MET: variants seen among roughly 807,000 people sequenced by gnomAD.
MET encodes hepatocyte growth factor receptor.
A neutral mutation model predicts 133.1 loss-of-function variants in MET; 48 were observed. The ratio of observed to expected loss-of-function variants is 0.36; its 90% CI spans 0.29 to 0.46. The LOEUF (loss-of-function observed/expected upper bound fraction) is 0.46. Among genes scored for constraint, MET ranks in the 20% least tolerant of loss-of-function variants. The probability of loss-of-function intolerance (pLI) is 1.00; values close to 1 mark genes in which losing one functional copy is unlikely to be tolerated. For missense variants in MET, 1,442 were observed against 1,695.9 expected (o/e 0.85, Z 2.63); for synonymous variants, 628 against 616.5 (o/e 1.02, Z -0.28).
At chr7:116,735,637 G>A (rs968177856) in intron 3 of MET, among the ~76,000 whole-genome samples, 2 of 152,146 alleles carry the variant, frequency 1.3e-5, no homozygotes, top group Non-Finnish European at 2.9e-5. Flanking sequence ...GCTGAAGGAA[G>A]CTTCAACTTG....
At chr7:116,772,204 T>G (rs1562930513) in intron 14 of MET, among the ~76,000 whole-genome samples, 1 of 152,196 alleles carries the variant, frequency 6.6e-6, no homozygotes, top group African/African-American at 2.4e-5. Flanking sequence ...GTCCATAAGC[T>G]CTCATTTCAC....
intron 3 of MET, 146 bp from the exon 4 acceptor site, chr7:116,739,804 A>T: frequency 8.8e-7 from 1 of 1,132,270 alleles, no homozygotes; most frequent in Non-Finnish European, 1.3e-6. Flanking sequence ...TGACATATTG[A>T]TTTACAATGA....
chr7:116,778,092 T>C (rs1478539017), intron 16 of MET, among the ~76,000 whole-genome samples: 1 of 152,244 alleles, frequency 6.6e-6, no homozygotes, highest in African/African-American at 2.4e-5. Flanking sequence ...ATGCATACTC[T>C]GTTTAAGGGA....
intron 11 of MET, among the ~76,000 whole-genome samples, chr7:116,767,249 T>A (rs1794659824): frequency 6.6e-6 from 1 of 152,078 alleles, no homozygotes; most frequent in Non-Finnish European, 1.5e-5. Flanking sequence ...CAGACATGAG[T>A]CCCCGGGTGT....
intron 1 of MET, among the ~76,000 whole-genome samples, chr7:116,680,106 T>C (rs1039312993): frequency 3.3e-5 from 5 of 152,036 alleles, no homozygotes; most frequent in Non-Finnish European, 7.4e-5. Context: ...AAAGGAAAAT[T>C]GTGTTAATAG....
chr7:116,794,917 A>G (rs1413004030), intron 19 of MET, among the ~76,000 whole-genome samples: 1 of 152,208 alleles, frequency 6.6e-6, no homozygotes, highest in African/African-American at 2.4e-5. Context: ...TAGACCAAAC[A>G]AGACCTAAGG....
rs112117974 is a variant in MET, at chr7:116,695,165, T to C, written c.-14-3906T>C. Reference sequence around the variant, plus strand: ...ATATATTAAGCTCAATTTTGTTAGATACACTGATACCATATTGATAAGTGC... The same window carrying C: ...ATATATTAAGCTCAATTTTGTTAGACACACTGATACCATATTGATAAGTGC... On this transcript the variant is annotated intron_variant, in intron 1 of 20. Transcript: ENST00000397752. Among the ~76,000 whole-genome samples the C allele has an allele frequency of 1.3e-3, 200 of 152,344 alleles. 1 individual carries two copies. Among genetic ancestry groups the C allele is most frequent in the African/African-American group, 4.6e-3 (191 of 41,576 alleles).
chr7:116,719,851 C>A (rs1238252542), intron 2 of MET, among the ~76,000 whole-genome samples: 1 of 151,884 alleles, frequency 6.6e-6, no homozygotes, highest in African/African-American at 2.4e-5. Flanking sequence ...TGATCTATAT[C>A]TCTGTTTTGG....
At chr7:116,775,956 G>T (rs2299439) in intron 15 of MET, among the ~76,000 whole-genome samples, 98,356 of 152,008 alleles carry the variant, frequency 0.65, 33,579 homozygotes, top group African/African-American at 0.89. Flanking sequence ...ATGAATATTT[G>T]TAATAAGCTA....
chr7:116,772,668 G>A (rs1273474248), intron 14 of MET, among the ~76,000 whole-genome samples: 1 of 152,178 alleles, frequency 6.6e-6, no homozygotes, highest in African/African-American at 2.4e-5. Flanking sequence ...CAGGATGTGA[G>A]TCAAGTACAA....
intron 11 of MET, among the ~76,000 whole-genome samples, chr7:116,766,382 AC>A (rs1794629745): frequency 6.6e-6 from 1 of 152,324 alleles, no homozygotes; most frequent in African/African-American, 2.4e-5. Flanking sequence ...GGTCTATGAC[AC>A]TGTCATCACA....
chr7:116,697,059 A>T (rs927692772), intron 1 of MET, among the ~76,000 whole-genome samples: 2 of 152,138 alleles, frequency 1.3e-5, no homozygotes, highest in Non-Finnish European at 2.9e-5. Flanking sequence ...GAGAATATGC[A>T]CTCATTTCCC....
At chr7:116,718,388 A>AAAAT (rs1429304283) in intron 2 of MET, among the ~76,000 whole-genome samples, 119 of 152,122 alleles carry the variant, frequency 7.8e-4, no homozygotes, top group African/African-American at 2.7e-3. Context: ...ACTCCATCTC[A>AAAAT]AAATAAATAA....
chr7:116,704,748 G>T (rs568652122), intron 2 of MET, among the ~76,000 whole-genome samples: 3 of 152,062 alleles, frequency 2.0e-5, no homozygotes, highest in African/African-American at 7.2e-5. Context: ...AAGTTAGAAG[G>T]TATAAATTGT....
At chr7:116,716,287 GAGAGA>G (rs1562892881) in intron 2 of MET, among the ~76,000 whole-genome samples, 22 of 20,772 alleles carry the variant, frequency 1.1e-3, no homozygotes, top group African/African-American at 2.2e-3. Flanking sequence ...GAGAGAGGGA[GAGAGA>G]GAGAGAGAGA....
At chr7:116,763,731 C>A (rs1305535640) in intron 11 of MET, among the ~76,000 whole-genome samples, 1 of 152,168 alleles carries the variant, frequency 6.6e-6, no homozygotes, top group East Asian at 1.9e-4. Context: ...TAGATATCTG[C>A]CACCTTAGGA....
intron 2 of MET, among the ~76,000 whole-genome samples, chr7:116,723,432 C>T (rs1584904258): frequency 6.6e-6 from 1 of 151,878 alleles, no homozygotes; most frequent in Non-Finnish European, 1.5e-5. Context: ...TTTGAATGTC[C>T]TCCCGTAGCT....
chr7:116,750,111 C>A (rs1423631417), intron 5 of MET, among the ~76,000 whole-genome samples: 1 of 152,184 alleles, frequency 6.6e-6, no homozygotes, highest in Non-Finnish European at 1.5e-5. Flanking sequence ...CAAAAAAGAG[C>A]CCGCATAGCC....
intron 8 of MET, 109 bp downstream of exon 8, chr7:116,757,883 G>A: frequency 8.0e-7 from 1 of 1,247,682 alleles, no homozygotes; most frequent in Non-Finnish European, 1.2e-6. Flanking sequence ...AAATCAAGAT[G>A]TTTATTTGTT....
Sources: allele counts gnomAD v4.1 joint callset (sites outside exome capture counted in the v4.1 genomes callset), GRCh38; gene constraint gnomAD v4.1.1; transcripts MANE v1.5; gene names NCBI Gene and HGNC (gene_info 2026-07-23, HGNC 2026-07-21).